Variants in SMAGP observed in about 807,000 individuals in gnomAD.
SMAGP encodes small cell transmembrane and glycosylated protein.
SMAGP carries 7 observed loss-of-function variants against 10.1 expected under a neutral mutation model. The ratio of observed to expected loss-of-function variants is 0.70; its 90% CI spans 0.40 to 1.31. The LOEUF is 1.31. SMAGP is among the 50% of genes most tolerant of loss of function. The pLI is 0.01. For missense variants in SMAGP, 113 were observed against 116.5 expected, an observed-to-expected ratio of 0.97 and a Z score of 0.14; for synonymous variants, 49 against 47.2, an observed-to-expected ratio of 1.04 and a Z score of -0.16.
intron 2 of SMAGP, among the ~76,000 whole-genome samples, chr12:51,255,945 A>G (rs1188458721): frequency 6.6e-6 from 1 of 151,916 alleles, no homozygotes; most frequent in Non-Finnish European, 1.5e-5. Flanking sequence ...CTAATTTTGT[A>G]TTTTTAGTAG....
intron 2 of SMAGP, among the ~76,000 whole-genome samples, chr12:51,263,383 CAA>C (rs994183697): frequency 5.5e-5 from 7 of 126,952 alleles, no homozygotes; most frequent in Non-Finnish European, 3.4e-5. Context: ...AATTCCATCT[CAA>C]AAAAAAAAAA....
intron 2 of SMAGP, among the ~76,000 whole-genome samples, chr12:51,255,851 A>G (rs536742268): frequency 6.6e-6 from 1 of 152,106 alleles, no homozygotes; most frequent in African/African-American, 2.4e-5. Context: ...AGCTTATTGC[A>G]GCCTCCGCCT....
Position 51,245,845 on chromosome 12 carries a change from A to G in SMAGP, c.*96T>C, listed in dbSNP as rs527396603. 34 of 1,411,080 alleles carry G rather than the reference A, an allele frequency of 2.4e-5. No homozygotes were observed. Among genetic ancestry groups the G allele is most frequent in the Non-Finnish European group, 2.9e-5 (30 of 1,043,690 alleles). The allele number at this position is 1,411,080 out of a possible 1,614,324, so 87.4% of individuals were successfully genotyped here. A position where few individuals can be genotyped will look rare whatever the true frequency, so the allele number is the denominator to read the frequency against. ...AGCTTGGATTTGCCCACATCAATCA[A>G]TGCTTCTCCCTGGCTTCAGAGAAAA... On this transcript the variant is annotated 3_prime_UTR_variant, in exon 4 of 4. Transcript: ENST00000603798.
intron 2 of SMAGP, among the ~76,000 whole-genome samples, chr12:51,250,306 C>T (rs571857431): frequency 1.6e-4 from 25 of 151,958 alleles, no homozygotes; most frequent in African/African-American, 5.6e-4. Flanking sequence ...TGCTTGAGCC[C>T]AGGGGGTTAA....
rs76156371 is a variant in SMAGP, at chr12:51,247,455, T to C, written c.35-624A>G. Among the ~76,000 whole-genome samples the C allele has an allele frequency of 1.8e-3, 274 of 152,252 alleles. 1 individual carries two copies. In the East Asian group the frequency reaches 0.026, roughly 15 times the overall value. On this transcript the variant is annotated intron_variant, in intron 2 of 3. Coordinates refer to ENST00000603798, the MANE Select transcript of SMAGP (RefSeq NM_001031628.2). ...AAGGTTCTGAAACAGGCCTCTCCTCTACCCTAAAATAGATCCTGCACCCCC... is the reference window on the plus strand; with the variant it reads ...AAGGTTCTGAAACAGGCCTCTCCTCCACCCTAAAATAGATCCTGCACCCCC...
At chr12:51,250,618 G>T (rs757694220) in intron 2 of SMAGP, among the ~76,000 whole-genome samples, 1 of 151,718 alleles carries the variant, frequency 6.6e-6, no homozygotes, top group Non-Finnish European at 1.5e-5. Flanking sequence ...CTGACCTCAA[G>T]CAATCTTCCT....
chr12:51,256,494 G>A (rs1944885165), intron 2 of SMAGP, among the ~76,000 whole-genome samples: 1 of 152,164 alleles, frequency 6.6e-6, no homozygotes, highest in Admixed American at 6.5e-5. Context: ...GGCAGAGGCA[G>A]GCGGATCACC....
At chr12:51,246,170 C>T (rs1469143089) in intron 3 of SMAGP, 51 bp from the exon 4 acceptor site, 5 of 1,601,696 alleles carry the variant, frequency 3.1e-6, no homozygotes, top group Non-Finnish European at 4.3e-6. Flanking sequence ...GAGGATGTCT[C>T]AGTAGTTCCT....
intron 2 of SMAGP, among the ~76,000 whole-genome samples, chr12:51,247,941 C>T (rs1363800677): frequency 6.6e-6 from 1 of 152,172 alleles, no homozygotes; most frequent in South Asian, 2.1e-4. Flanking sequence ...AAGCGACCCC[C>T]CAAGGGAGGA....
In SMAGP at chr12:51,244,598, A is replaced by G. The variant is rs1403383789; in HGVS notation, c.*1343T>C. On this transcript the variant is annotated 3_prime_UTR_variant, in exon 4 of 4. Coordinates refer to ENST00000603798, the MANE Select transcript of SMAGP (RefSeq NM_001031628.2). The stretch of plus-strand genomic sequence containing the variant: ...AGATCTAGCTTTAATTCCAAAGTGA[A>G]CAATATCTGATGAGCTAATAATTTA... The G allele has an allele frequency of 2.0e-5, 3 of 152,196 alleles. No homozygotes were observed. Among genetic ancestry groups the G allele is most frequent in the Non-Finnish European group, 4.4e-5 (3 of 68,032 alleles). The allele number at this position is 152,196 out of a possible 1,614,324, so 9.4% of individuals were successfully genotyped here.
In SMAGP at chr12:51,269,272, T is replaced by A; in HGVS notation, c.7A>T (p.Ser3Cys). Residue 3 changes from serine (S) to cysteine (C), a missense_variant, in exon 2 of 4, where the codon AGC (serine) becomes TGC (cysteine). By Grantham distance (112) the Ser-to-Cys change is moderately radical. Transcript: ENST00000603798. ...CTTGGAGAAGGAGTAGTCAGGAGGC[T>A]GGTCATTGTCACTAGTGGTTGAGTT... MT[S>C]LLTTPSPREE... 1 of 1,613,914 alleles carries A rather than the reference T, an allele frequency of 6.2e-7. No homozygotes were observed. Among genetic ancestry groups the A allele is most frequent in the Non-Finnish European group, 8.5e-7 (1 of 1,179,828 alleles).
At chr12:51,266,118 G>A (rs1009052123) in intron 2 of SMAGP, among the ~76,000 whole-genome samples, 5 of 151,622 alleles carry the variant, frequency 3.3e-5, no homozygotes, top group Non-Finnish European at 5.9e-5. Context: ...TCTTATCTGC[G>A]GTTTTGCTTT....
chr12:51,268,704 C>G (rs1944999860), intron 2 of SMAGP, among the ~76,000 whole-genome samples: 1 of 149,900 alleles, frequency 6.7e-6, no homozygotes, highest in African/African-American at 2.4e-5. Flanking sequence ...ATGCCTCAGC[C>G]TCCTGAGTAG....
At chr12:51,267,483 T>G (rs1273444609) in intron 2 of SMAGP, among the ~76,000 whole-genome samples, 11 of 74,664 alleles carry the variant, frequency 1.5e-4, no homozygotes, top group South Asian at 1.2e-3. Context: ...CCCCACTCCG[T>G]GTCCCCCTAA....
chr12:51,260,624 C>T (rs10876157), intron 2 of SMAGP, among the ~76,000 whole-genome samples: 99,365 of 148,864 alleles, frequency 0.67, 37,207 homozygotes, highest in Non-Finnish European at 0.85. Context: ...GTGATCCACC[C>T]GTCTTGGCCT....
At chr12:51,250,301 G>A (rs1007687310) in intron 2 of SMAGP, among the ~76,000 whole-genome samples, 2 of 151,880 alleles carry the variant, frequency 1.3e-5, no homozygotes, top group Non-Finnish European at 2.9e-5. Flanking sequence ...AAGATTGCTT[G>A]AGCCCAGGGG....
intron 1 of SMAGP, 47 bp from the exon 2 acceptor site, chr12:51,269,363 T>C (rs1945005917): frequency 9.4e-6 from 14 of 1,495,954 alleles, no homozygotes; most frequent in African/African-American, 1.4e-5. Context: ...TGGGCCCCTA[T>C]GGCTTTGAGT....
intron 2 of SMAGP, among the ~76,000 whole-genome samples, chr12:51,247,621 T>A (rs1304723778): frequency 6.6e-6 from 1 of 152,148 alleles, no homozygotes; most frequent in East Asian, 1.9e-4. Flanking sequence ...GCCCTTCCAT[T>A]CTTTCCTATT....
intron 2 of SMAGP, among the ~76,000 whole-genome samples, chr12:51,262,454 C>G (rs541127760): frequency 1.3e-5 from 2 of 152,142 alleles, no homozygotes; most frequent in Admixed American, 1.3e-4. Context: ...GCTCTACAGC[C>G]TGGGTGAAAC....
Sources: allele counts gnomAD v4.1 joint callset (sites outside exome capture counted in the v4.1 genomes callset), GRCh38; gene constraint gnomAD v4.1.1; transcripts MANE v1.5; gene names NCBI Gene and HGNC (gene_info 2026-07-23, HGNC 2026-07-21).